DNAI2: variants seen among roughly 807,000 people sequenced by gnomAD.
DNAI2 encodes dynein axonemal intermediate chain 2, also known as dynein, axonemal, intermediate polypeptide 2.
In DNAI2, 63 loss-of-function variants were observed where a neutral mutation model predicts 74.7. That is an observed-to-expected ratio of 0.84 (90% CI 0.69 to 1.04). The LOEUF is 1.04. Among genes scored for constraint, DNAI2 ranks in the 50% least tolerant of loss-of-function variants. The pLI, the probability that DNAI2 is intolerant of heterozygous loss-of-function variation, is 0.00. For synonymous variants in DNAI2, 289 were observed against 314.9 expected (o/e 0.92, Z 0.87); for missense variants, 688 against 803.2 (o/e 0.86, Z 1.73).
chr17:74,294,255 G>C (rs921551830), intron 6 of DNAI2, among the ~76,000 whole-genome samples: 6 of 147,058 alleles, frequency 4.1e-5, no homozygotes, highest in Admixed American at 4.1e-4. Context: ...CTTCTTTTGT[G>C]CCACGTATTT....
rs1053382650 is a variant in DNAI2 at position 74,311,166 on chromosome 17, G to A, written c.1495-837G>A. Reference sequence around the variant, plus strand: ...TGGGATTATAGGCATGAGCCACCACGCCCAGCCTGAAGACTTAGTAGAATG... The same window carrying A: ...TGGGATTATAGGCATGAGCCACCACACCCAGCCTGAAGACTTAGTAGAATG... On this transcript the variant is annotated intron_variant, in intron 11 of 13. Coordinates refer to ENST00000311014, the MANE Select transcript of DNAI2 (RefSeq NM_023036.6). Among the ~76,000 whole-genome samples, 15 of 152,270 alleles carry A rather than the reference G, an allele frequency of 9.9e-5. No homozygotes were observed. In the East Asian group the frequency reaches 1.9e-3, roughly 20 times the overall value.
At chr17:74,275,748 AGT>A (rs1164324540) in intron 1 of DNAI2, among the ~76,000 whole-genome samples, 5 of 151,656 alleles carry the variant, frequency 3.3e-5, no homozygotes, top group Admixed American at 1.3e-4. Context: ...AAATTAGCCG[AGT>A]GTGGTGGCAT....
At chr17:74,282,821 T>C (rs1385616680) in intron 2 of DNAI2, among the ~76,000 whole-genome samples, 1 of 152,230 alleles carries the variant, frequency 6.6e-6, no homozygotes, top group African/African-American at 2.4e-5. Flanking sequence ...GATAAAATGA[T>C]AACGAAATCA....
At chr17:74,307,271 G>A (rs574563091) in intron 9 of DNAI2, 11 of 456,286 alleles carry the variant, frequency 2.4e-5, no homozygotes, top group African/African-American at 1.2e-4. Flanking sequence ...TAGGCCTTTC[G>A]CAGGGCTGGT....
At chr17:74,307,502 T>C (rs946985468) in intron 9 of DNAI2, among the ~76,000 whole-genome samples, 1 of 151,392 alleles carries the variant, frequency 6.6e-6, no homozygotes, top group Non-Finnish European at 1.5e-5. Context: ...TCCCCATCTC[T>C]AATAAAAATA....
chr17:74,295,186 G>C (rs2052356831), intron 6 of DNAI2, among the ~76,000 whole-genome samples: 1 of 145,410 alleles, frequency 6.9e-6, no homozygotes, highest in Non-Finnish European at 1.5e-5. Context: ...CCTGAACTCA[G>C]GAGTTCAAGA....
chr17:74,285,314 G>A, intron 3 of DNAI2, 113 bp downstream of exon 3: 4 of 1,350,022 alleles, frequency 3.0e-6, no homozygotes, highest in Non-Finnish European at 4.1e-6. Flanking sequence ...TGTGAATGCT[G>A]GGGGGAAGGG....
intron 3 of DNAI2, among the ~76,000 whole-genome samples, chr17:74,286,707 G>T (rs1156522676): frequency 2.0e-5 from 3 of 152,184 alleles, no homozygotes; most frequent in African/African-American, 2.4e-5. Flanking sequence ...TTACAGGCGT[G>T]AGCCACCGCA....
Position 74,312,042 on chromosome 17 carries a change from G to A in DNAI2, c.1534G>A (p.Ala512Thr), listed in dbSNP as rs781499125. The A allele has an allele frequency of 6.2e-7, 1 of 1,612,096 alleles. No individual in the cohort carries two copies. Among genetic ancestry groups the A allele is most frequent in the South Asian group, 1.1e-5 (1 of 90,998 alleles). Residue 512 changes from alanine to threonine, a missense_variant, in exon 12 of 14, where the codon GCC (alanine) becomes ACC (threonine). Transcript: ENST00000311014. ...RETRREKILE[A>T]RHREMRLKEK... The stretch of plus-strand genomic sequence containing the variant: ...GACCCGGCGAGAGAAGATCCTGGAG[G>A]CCAGGCACCGGGAGATGCGGCTGAA...
chr17:74,296,088 T>A (rs753793879), intron 6 of DNAI2, among the ~76,000 whole-genome samples: 15 of 152,154 alleles, frequency 9.9e-5, no homozygotes, highest in Non-Finnish European at 1.8e-4. Flanking sequence ...GCTTGTGACC[T>A]TCTAGACTCC....
chr17:74,309,675 C>T (rs1335925295), intron 10 of DNAI2: 6 of 663,652 alleles, frequency 9.0e-6, no homozygotes, highest in South Asian at 4.9e-5. Flanking sequence ...ACCCACAGGC[C>T]GATTCCTTCA....
At chr17:74,279,775 G>A (rs529715720) in intron 1 of DNAI2, among the ~76,000 whole-genome samples, 3 of 152,088 alleles carry the variant, frequency 2.0e-5, no homozygotes, top group South Asian at 2.1e-4. Context: ...GTGATCCACC[G>A]GCCTCGGCCA....
At position 74,291,902 on chromosome 17, in the gene DNAI2, C is replaced by T. The variant is rs949488917; in HGVS notation, c.724+769C>T. On this transcript the variant is annotated intron_variant, in intron 6 of 13. Transcript: ENST00000311014. Reference sequence around the variant, plus strand: ...TTTTTGAGATGGAGTCTCGCTCTGTCGCCCAGGCCGGAGTGCAGTGGTGCA... The same window carrying T: ...TTTTTGAGATGGAGTCTCGCTCTGTTGCCCAGGCCGGAGTGCAGTGGTGCA... 8.0e-5 allele frequency among the ~76,000 whole-genome samples: 12 copies of T among 149,832 alleles called. No individual in the cohort carries two copies. The South Asian group carries it at 8.4e-4, about 11-fold the overall frequency.
Position 74,281,835 on chromosome 17 carries a change from G to A in DNAI2, c.18G>A (p.Val6=), listed in dbSNP as rs1266514021. 3 of 1,614,014 alleles carry A rather than the reference G, an allele frequency of 1.9e-6. No homozygotes were observed. The highest frequency in any genetic ancestry group is 1.7e-5 in the Admixed American group (1 of 60,020). MEIVY[V]YVKKRSEFGK... is the part of the protein sequence containing the mutation. The stretch of plus-strand genomic sequence containing the variant: ...CCGGCACCATGGAGATTGTGTACGT[G>A]TACGTCAAGAAGCGCAGCGAGTTCG... The change falls in exon 2 of 14, where the codon GTG becomes GTA. Residue 6 remains valine, a synonymous_variant. Transcript: ENST00000311014.
At chr17:74,290,966 A>T in intron 5 of DNAI2, 54 bp from the exon 6 acceptor site, 1 of 1,522,054 alleles carries the variant, frequency 6.6e-7, no homozygotes, top group Non-Finnish European at 9.1e-7. Context: ...AAACTGGTTG[A>T]TCCTGTCCTT....
At chr17:74,288,198 A>G (rs191285865) in intron 4 of DNAI2, among the ~76,000 whole-genome samples, 7 of 152,360 alleles carry the variant, frequency 4.6e-5, no homozygotes, top group Admixed American at 4.6e-4. Flanking sequence ...CCCTCAGTAC[A>G]GTATTCAGAA....
rs768765890 is a variant in DNAI2 at position 74,291,064 on chromosome 17, C to G, written c.655C>G (p.Leu219Val). Residue 219 changes from leucine to valine, a missense_variant, in exon 6 of 14, where the codon CTC becomes GTC. Leu to Val is a conservative substitution (Grantham distance 32). Transcript: ENST00000311014. ...ACTTGCTCTGAAGCCATCGTCTCCA[C>G]TCGTGACGTTGGAGTTCAACCCCAA... Reference protein sequence around the residue: ...PELALKPSSPLVTLEFNPKDS... With the variant: ...PELALKPSSPVVTLEFNPKDS... 2 of 1,614,200 alleles carry G rather than the reference C, an allele frequency of 1.2e-6. No homozygotes were observed. Among genetic ancestry groups the G allele is most frequent in the South Asian group, 2.2e-5 (2 of 91,086 alleles).
In DNAI2 at chr17:74,310,180, TG is replaced by T; in HGVS notation, c.1494+21del. 1.2e-6 allele frequency: 2 copies of T among 1,612,670 alleles called. No individual in the cohort carries two copies. The highest frequency in any genetic ancestry group is 1.7e-6 in the Non-Finnish European group (2 of 1,179,930). ...GCCTCTTCCGTAAGCACCGGGTGCC[TG>T]GGGAAAATCCCTCCAGCACGTCCCG... is the stretch of plus-strand genomic sequence containing the variant. On this transcript the variant is annotated intron_variant, in intron 11 of 13. Transcript: ENST00000311014.
intron 1 of DNAI2, among the ~76,000 whole-genome samples, chr17:74,277,539 T>C (rs2051167226): frequency 1.3e-5 from 2 of 152,224 alleles, no homozygotes; most frequent in Non-Finnish European, 2.9e-5. Flanking sequence ...TTAACCTTCC[T>C]ACCCTCCTTC....
Sources: gnomAD v4.1 joint callset for allele counts (sites outside exome capture counted in the v4.1 genomes callset) on GRCh38, gnomAD v4.1.1 for gene constraint, MANE v1.5 for transcripts, NCBI Gene and HGNC (gene_info 2026-07-23, HGNC 2026-07-21) for gene names.